The following ULK4 variants were observed in gnomAD, a reference collection of about 807,000 sequenced individuals.
The protein encoded by ULK4 is unc-51 like kinase 4, also known as inactive serine/threonine-protein kinase ULK4.
Under a neutral mutation model 160.6 loss-of-function variants are expected in ULK4, and 133 were observed. The observed-to-expected ratio is 0.83, with a 90% CI of 0.72 to 0.96. ULK4 has a LOEUF of 0.96. Ranked by LOEUF, ULK4 falls within the 40% of genes least tolerant of loss-of-function variation. The probability of loss-of-function intolerance (pLI) is 0.00; values close to 1 mark genes in which losing one functional copy is unlikely to be tolerated. For synonymous variants in ULK4, 534 were observed against 539.8 expected, an observed-to-expected ratio of 0.99 and a Z score of 0.15; for missense variants, 1,580 against 1,499.5, an observed-to-expected ratio of 1.05 and a Z score of -0.89.
intron 35 of ULK4, among the ~76,000 whole-genome samples, chr3:41,385,035 CAGAG>C (rs536799321): frequency 6.6e-6 from 1 of 151,806 alleles, no homozygotes; most frequent in Admixed American, 6.6e-5. Flanking sequence ...GCCTGAACAA[CAGAG>C]AGACCTTGTC....
chr3:41,490,186 T>C (rs1020641542), intron 32 of ULK4, among the ~76,000 whole-genome samples: 1 of 152,184 alleles, frequency 6.6e-6, no homozygotes, highest in Admixed American at 6.5e-5. Flanking sequence ...CAGTTCTCTC[T>C]GCCTCTGATC....
intron 25 of ULK4, among the ~76,000 whole-genome samples, chr3:41,707,468 A>G (rs770501486): frequency 6.6e-6 from 1 of 152,222 alleles, no homozygotes; most frequent in African/African-American, 2.4e-5. Flanking sequence ...CCACATATCT[A>G]TGAGGGGGTG....
chr3:41,939,888 T>TC (rs1699896507), intron 2 of ULK4, among the ~76,000 whole-genome samples: 1 of 152,176 alleles, frequency 6.6e-6, no homozygotes, highest in South Asian at 2.1e-4. Context: ...GGCTGCGCAC[T>TC]CCTTATGAGA....
At chr3:41,923,748 C>T (rs1177375985) in intron 5 of ULK4, among the ~76,000 whole-genome samples, 1 of 152,150 alleles carries the variant, frequency 6.6e-6, no homozygotes, top group Non-Finnish European at 1.5e-5. Flanking sequence ...GGGACCAGAC[C>T]GTGGAACCTG....
intron 21 of ULK4, among the ~76,000 whole-genome samples, chr3:41,754,962 C>T (rs1249833262): frequency 6.6e-6 from 1 of 152,128 alleles, no homozygotes; most frequent in African/African-American, 2.4e-5. Flanking sequence ...AGACAATACT[C>T]AATACATGAC....
intron 17 of ULK4, among the ~76,000 whole-genome samples, chr3:41,871,868 T>C (rs1697107188): frequency 6.6e-6 from 1 of 152,228 alleles, no homozygotes; most frequent in South Asian, 2.1e-4. Context: ...TTTTCTTTTA[T>C]AGATGATGCT....
chr3:41,263,769 A>G (rs1452897286), intron 35 of ULK4, among the ~76,000 whole-genome samples: 1 of 152,214 alleles, frequency 6.6e-6, no homozygotes, highest in Non-Finnish European at 1.5e-5. Flanking sequence ...ACAATCACAC[A>G]TGAGATGCAT....
intron 22 of ULK4, among the ~76,000 whole-genome samples, chr3:41,721,333 A>AATATATATAT (rs71075483): frequency 1.2e-3 from 31 of 26,948 alleles, no homozygotes; most frequent in South Asian, 2.0e-3. Flanking sequence ...TTTTAATGTA[A>AATATATATAT]ATATATATAT....
At chr3:41,851,987 T>C (rs1003804234) in intron 17 of ULK4, among the ~76,000 whole-genome samples, 5 of 151,958 alleles carry the variant, frequency 3.3e-5, no homozygotes, top group African/African-American at 9.7e-5. Context: ...ATCAACAAAA[T>C]TGATAGACCG....
intron 30 of ULK4, among the ~76,000 whole-genome samples, chr3:41,634,232 T>G (rs1167767788): frequency 1.3e-5 from 2 of 152,226 alleles, no homozygotes; most frequent in Admixed American, 1.3e-4. Context: ...GATGTCCTTG[T>G]GCTTTTGCCT....
chr3:41,938,309 T>C (rs544579622), intron 2 of ULK4, 112 bp from the exon 3 acceptor site: 156 of 745,298 alleles, frequency 2.1e-4, no homozygotes, highest in Non-Finnish European at 3.0e-4. Context: ...GTGACATTTA[T>C]TTGGTGGAAT....
At chr3:41,294,377 T>C (rs527802535) in intron 35 of ULK4, among the ~76,000 whole-genome samples, 15 of 152,314 alleles carry the variant, frequency 9.8e-5, no homozygotes, top group African/African-American at 2.4e-5. Context: ...TATACAACTA[T>C]GATAAATTAA....
At chr3:41,657,453 CATGGTTATTTTTACATA>C (rs2034979517) in intron 30 of ULK4, among the ~76,000 whole-genome samples, 2 of 152,236 alleles carry the variant, frequency 1.3e-5, no homozygotes, top group South Asian at 4.1e-4. Context: ...ACAAATGGTT[CATGGTTATTTTTACATA>C]TTTGGAAATC....
At chr3:41,744,402 G>C (rs577091472) in intron 22 of ULK4, among the ~76,000 whole-genome samples, 1 of 152,066 alleles carries the variant, frequency 6.6e-6, no homozygotes, top group Non-Finnish European at 1.5e-5. Context: ...AGGCAGGAGT[G>C]ACTGTATCAA....
chr3:41,950,134 T>C (rs952831279), intron 2 of ULK4, among the ~76,000 whole-genome samples: 1 of 152,064 alleles, frequency 6.6e-6, no homozygotes, highest in African/African-American at 2.4e-5. Flanking sequence ...TCACTCAGGT[T>C]GGAGCACAGT....
At chr3:41,661,148 A>G (rs2035139522) in intron 30 of ULK4, among the ~76,000 whole-genome samples, 1 of 152,232 alleles carries the variant, frequency 6.6e-6, no homozygotes, top group Non-Finnish European at 1.5e-5. Context: ...AATTAAATAC[A>G]GTGAACAAAT....
intron 2 of ULK4, among the ~76,000 whole-genome samples, chr3:41,943,833 C>A (rs1343035864): frequency 2.0e-5 from 3 of 152,186 alleles, no homozygotes; most frequent in African/African-American, 7.2e-5. Context: ...ATACAACTGT[C>A]TCCTCGCCAC....
intron 31 of ULK4, among the ~76,000 whole-genome samples, chr3:41,602,251 A>AAAAGGAAAGG (rs56277936): frequency 0.024 from 2,121 of 86,648 alleles, 58 homozygotes; most frequent in African/African-American, 0.031. Context: ...AAGGAAGAGA[A>AAAAGGAAAGG]AAAGGAAAGG....
intron 23 of ULK4, among the ~76,000 whole-genome samples, chr3:41,715,932 G>C (rs1050268094): frequency 6.6e-6 from 1 of 151,522 alleles, no homozygotes; most frequent in South Asian, 2.1e-4. Context: ...ATAATAAATG[G>C]GCCAGGCGCA....
Sources: gnomAD v4.1 joint callset for allele counts (sites outside exome capture counted in the v4.1 genomes callset) on GRCh38, gnomAD v4.1.1 for gene constraint, MANE v1.5 for transcripts, NCBI Gene and HGNC (gene_info 2026-07-23, HGNC 2026-07-21) for gene names.